The following ARHGAP11A variants were observed in gnomAD, a reference collection of about 807,000 sequenced individuals.
ARHGAP11A encodes the protein rho GTPase-activating protein 11A.
Under a neutral mutation model 60.5 loss-of-function variants are expected in ARHGAP11A, and 36 were observed. The ratio of observed to expected loss-of-function variants is 0.59; its 90% CI spans 0.46 to 0.79. The LOEUF is 0.79. Ranked by LOEUF, ARHGAP11A falls within the 30% of genes least tolerant of loss-of-function variation. The pLI is 0.00. For synonymous variants in ARHGAP11A, 362 were observed against 415.5 expected (o/e 0.87, Z 1.57); for missense variants, 1,071 against 1,199.2 (o/e 0.89, Z 1.58).
chr15:32,622,592 C>T (rs966903487), intron 2 of ARHGAP11A, among the ~76,000 whole-genome samples: 1 of 151,972 alleles, frequency 6.6e-6, no homozygotes, highest in African/African-American at 2.4e-5. Context: ...CCACTGTGCA[C>T]CAATACAGCT....
At position 32,634,042 on chromosome 15, in the gene ARHGAP11A, G is replaced by T; in HGVS notation, c.1344+1G>T. The T allele has an allele frequency of 6.3e-7, 1 of 1,587,846 alleles. No individual in the cohort carries two copies. Among genetic ancestry groups the T allele is most frequent in the Non-Finnish European group, 8.6e-7 (1 of 1,165,548 alleles). On this transcript the variant is annotated splice_donor_variant, in intron 10 of 11. Coordinates refer to ENST00000361627, the MANE Select transcript of ARHGAP11A (RefSeq NM_014783.6). LOFTEE classifies it high-confidence loss of function. The stretch of plus-strand genomic sequence containing the variant: ...TCTAGGGAAAAATGGCAGAGAAGTA[G>T]TAAGTTTCTTACCATTTTATTGATC...
chr15:32,636,918 A>T lies in ARHGAP11A; in HGVS notation c.2145A>T (p.Gln715His). 1 of 1,613,050 alleles carries T rather than the reference A, an allele frequency of 6.2e-7. No individual in the cohort carries two copies. The change falls in exon 12 of 12, where the codon CAA becomes CAT. Residue 715 changes from glutamine to histidine, a missense_variant. Gln to His is a conservative substitution (Grantham distance 24). Coordinates refer to ENST00000361627, the MANE Select transcript of ARHGAP11A (RefSeq NM_014783.6). ...TGCCAAAAGATTATTTAAGCAAGCA[A>T]GAATTCTCCAGTGATGAAGAAATAA... ...SNMPKDYLSKQEFSSDEEIKK... is the reference protein window; with the variant it reads ...SNMPKDYLSKHEFSSDEEIKK...
At chr15:32,620,244 A>T in intron 2 of ARHGAP11A, 66 bp downstream of exon 2, 1 of 1,609,396 alleles carries the variant, frequency 6.2e-7, no homozygotes, top group African/African-American at 1.3e-5. Context: ...CAGCATTTTG[A>T]GAGGCCGAGG....
At chr15:32,623,076 C>T (rs543124935) in intron 2 of ARHGAP11A, among the ~76,000 whole-genome samples, 16 of 150,988 alleles carry the variant, frequency 1.1e-4, no homozygotes, top group African/African-American at 3.4e-4. Context: ...GGACAACACA[C>T]TGACCATGGA....
chr15:32,617,976 C>T lies in ARHGAP11A; in HGVS notation c.129+1636C>T, dbSNP rs1407636104. 2.0e-5 allele frequency among the ~76,000 whole-genome samples: 3 copies of T among 152,244 alleles called. No individual in the cohort carries two copies. In the East Asian group the frequency reaches 5.8e-4, roughly 29 times the overall value. On this transcript the variant is annotated intron_variant, in intron 1 of 11. Coordinates refer to ENST00000361627, the MANE Select transcript of ARHGAP11A (RefSeq NM_014783.6). ...TAAAAAGTGAAGCTCTTTATGTAGGCCTAGCACAGTGCGGGTAACATGCCA... is the reference window on the plus strand; with the variant it reads ...TAAAAAGTGAAGCTCTTTATGTAGGTCTAGCACAGTGCGGGTAACATGCCA...
chr15:32,636,535 G>A lies in ARHGAP11A; in HGVS notation c.1762G>A (p.Glu588Lys). 6.2e-7 allele frequency: 1 copy of A among 1,614,134 alleles called. No homozygotes were observed. ...NITSSPLSGD[E>K]NNMTKETLVK... is the part of the protein sequence containing the mutation. ...AACAAGTAGCCCTCTTAGCGGGGAT[G>A]AAAATAACATGACCAAAGAGACTTT... Residue 588 changes from glutamate (E) to lysine (K), a missense_variant, in exon 12 of 12, where the codon GAA (glutamate) becomes AAA (lysine). This residue lies in a region of ARHGAP11A where 776 missense variants were observed against 760.2 expected (regional missense o/e 1.02). Transcript: ENST00000361627.
At position 32,637,853 on chromosome 15, in the gene ARHGAP11A, A is replaced by C. The variant is rs761050217; in HGVS notation, c.*8A>C. 1 of 1,564,634 alleles carries C rather than the reference A, an allele frequency of 6.4e-7. No individual in the cohort carries two copies. Among genetic ancestry groups the C allele is most frequent in the Non-Finnish European group, 8.6e-7 (1 of 1,157,238 alleles). ...AAACCTGTAGATTTGTAATTGGTAA[A>C]TGTTATACTTGTCATTAATGTAAAT... is the stretch of plus-strand genomic sequence containing the variant. On this transcript the variant is annotated 3_prime_UTR_variant, in exon 12 of 12. Transcript: ENST00000361627.
At chr15:32,629,500 A>G in intron 7 of ARHGAP11A, 95 bp from the exon 8 acceptor site, 2 of 953,376 alleles carry the variant, frequency 2.1e-6, no homozygotes, top group South Asian at 2.0e-5. Context: ...GTTTAGCTCT[A>G]AGTAATAGCT....
At chr15:32,633,673 G>T (rs28666957) in intron 9 of ARHGAP11A, among the ~76,000 whole-genome samples, 41,002 of 151,904 alleles carry the variant, frequency 0.27, 5,958 homozygotes, top group Non-Finnish European at 0.35. Context: ...AAAAATTCCT[G>T]TTAGGTTAAA....
At position 32,637,553 on chromosome 15, in the gene ARHGAP11A, C is replaced by T. The variant is rs751570753; in HGVS notation, c.2780C>T (p.Ser927Phe). Reference sequence around the variant, plus strand: ...TCAAGCATGGAGTTACCCTCGAAATCTTTCTTAAAGATGAGGAAGCACCCA... The same window carrying T: ...TCAAGCATGGAGTTACCCTCGAAATTTTTCTTAAAGATGAGGAAGCACCCA... ...SKSSMELPSKSFLKMRKHPDS... is the reference protein window; with the variant it reads ...SKSSMELPSKFFLKMRKHPDS... The change falls in exon 12 of 12, where the codon TCT (serine) becomes TTT (phenylalanine). Residue 927 changes from serine (S) to phenylalanine (F), a missense_variant. Ser to Phe is a radical substitution (Grantham distance 155). Around this residue, in one of 4 missense-constraint regions of ARHGAP11A, gnomAD observed 776 missense variants for 760.2 expected, o/e 1.02. Coordinates refer to ENST00000361627, the MANE Select transcript of ARHGAP11A (RefSeq NM_014783.6). The T allele has an allele frequency of 6.2e-7, 1 of 1,614,128 alleles. No individual in the cohort carries two copies. Among genetic ancestry groups the T allele is most frequent in the Non-Finnish European group, 8.5e-7 (1 of 1,180,022 alleles).
rs753853847 is a variant in ARHGAP11A, at chr15:32,635,889, A to G, written c.1457A>G (p.Asp486Gly). Residue 486 changes from aspartate (D) to glycine (G), a missense_variant, in exon 11 of 12, where the codon GAT becomes GGT. By Grantham distance (94) the Asp-to-Gly change is moderately conservative (BLOSUM62 -1). This residue lies in a region of ARHGAP11A where 776 missense variants were observed against 760.2 expected (regional missense o/e 1.02). Coordinates refer to ENST00000361627, the MANE Select transcript of ARHGAP11A (RefSeq NM_014783.6). The stretch of plus-strand genomic sequence containing the variant: ...AAAACAGGTTTGCTTTTTAGCCCAG[A>G]TGTTGATGAAAAGTTACCAAAGAAA... ...SVKTGLLFSP[D>G]VDEKLPKKGS... The G allele has an allele frequency of 1.2e-6, 2 of 1,610,098 alleles. No homozygotes were observed. Among genetic ancestry groups the G allele is most frequent in the Non-Finnish European group, 1.7e-6 (2 of 1,178,900 alleles).
chr15:32,626,829 A>G (rs888734919), intron 6 of ARHGAP11A, among the ~76,000 whole-genome samples: 1 of 152,244 alleles, frequency 6.6e-6, no homozygotes, highest in Non-Finnish European at 1.5e-5. Context: ...ATGTCATCCT[A>G]TGATGTTGCT....
At position 32,637,142 on chromosome 15, in the gene ARHGAP11A, CAT is replaced by C. The variant is rs555387669; in HGVS notation, c.2370_2371del (p.Cys791Ter). The C allele has an allele frequency of 3.7e-4, 597 of 1,614,098 alleles. No individual in the cohort carries two copies. Among genetic ancestry groups the C allele is most frequent in the African/African-American group, 5.5e-4 (41 of 75,044 alleles). ...ATTGCTAAACAGCAGTCATTGGAAA[CAT>C]GTGAGAAAACAGTTTCTGAAAGTTC... On this transcript the variant is annotated frameshift_variant, in exon 12 of 12. Coordinates refer to ENST00000361627, the MANE Select transcript of ARHGAP11A (RefSeq NM_014783.6). LOFTEE classifies it low-confidence loss of function (END_TRUNC).
Position 32,624,320 on chromosome 15 carries a change from A to C in ARHGAP11A, c.445A>C (p.Thr149Pro), listed in dbSNP as rs2053408121. 6.2e-7 allele frequency: 1 copy of C among 1,613,928 alleles called. No homozygotes were observed. The highest frequency in any genetic ancestry group is 1.1e-5 in the South Asian group (1 of 91,080). Residue 149 changes from threonine (T) to proline (P), a missense_variant, in exon 4 of 12, where the codon ACA becomes CCA. Thr to Pro is a conservative substitution (Grantham distance 38). Around this residue, in one of 4 missense-constraint regions of ARHGAP11A, gnomAD observed 196 missense variants for 272.1 expected, o/e 0.72. Coordinates refer to ENST00000361627, the MANE Select transcript of ARHGAP11A (RefSeq NM_014783.6). ...ACTTTTGAAAGCTCAACAGTTAGGC[A>C]CAGAGGAAAAGAATAAAGCTACACT... ...EALLKAQQLG[T>P]EEKNKATLLL... is the part of the protein sequence containing the mutation.
chr15:32,634,822 A>G (rs545819054), intron 10 of ARHGAP11A, among the ~76,000 whole-genome samples: 2 of 152,320 alleles, frequency 1.3e-5, no homozygotes, highest in East Asian at 3.9e-4. Flanking sequence ...TGTCTAATCC[A>G]TTAGAGAATC....
At chr15:32,632,932 A>G in intron 8 of ARHGAP11A, 47 bp from the exon 9 acceptor site, 2 of 1,521,322 alleles carry the variant, frequency 1.3e-6, no homozygotes, top group Non-Finnish European at 1.8e-6. Context: ...TATACTTTAA[A>G]AGGAAAATAG....
At chr15:32,629,565 C>T in intron 7 of ARHGAP11A, 30 bp from the exon 8 acceptor site, 1 of 1,569,206 alleles carries the variant, frequency 6.4e-7, no homozygotes, top group Non-Finnish European at 8.6e-7. Context: ...GCAGTAGAAA[C>T]AAGTTGGTTT....
In ARHGAP11A at chr15:32,637,528, T is replaced by A. The variant is rs746820041; in HGVS notation, c.2755T>A (p.Ser919Thr). The A allele has an allele frequency of 2.5e-6, 4 of 1,613,942 alleles. No individual in the cohort carries two copies. Among genetic ancestry groups the A allele is most frequent in the Non-Finnish European group, 3.4e-6 (4 of 1,179,994 alleles). The change falls in exon 12 of 12, where the codon TCA (serine) becomes ACA (threonine). Residue 919 changes from serine to threonine, a missense_variant. Transcript: ENST00000361627. ...GTCAAATATTGGTGCAATTTCAAAG[T>A]CAAGCATGGAGTTACCCTCGAAATC... ...EESNIGAISKSSMELPSKSFL... is the reference protein window; with the variant it reads ...EESNIGAISKTSMELPSKSFL...
At chr15:32,631,057 G>A (rs1484400862) in intron 8 of ARHGAP11A, among the ~76,000 whole-genome samples, 3 of 151,994 alleles carry the variant, frequency 2.0e-5, no homozygotes, top group Admixed American at 2.0e-4. Context: ...TTTTTAGTTT[G>A]AGCTTGCCTA....
Sources: gnomAD v4.1 joint callset for allele counts (sites outside exome capture counted in the v4.1 genomes callset) on GRCh38, gnomAD v4.1.1 for gene constraint, gnomAD v4.1.1 regional missense constraint, MANE v1.5 for transcripts, NCBI Gene and HGNC (gene_info 2026-07-23, HGNC 2026-07-21) for gene names.